AGBL4: variants seen among roughly 807,000 people sequenced by gnomAD.
The protein encoded by AGBL4 is cytosolic carboxypeptidase 6.
In AGBL4, 58 loss-of-function variants were observed where a neutral mutation model predicts 66.4. The ratio of observed to expected loss-of-function variants is 0.87; its 90% CI spans 0.71 to 1.09. AGBL4 has a LOEUF of 1.09. Among genes scored for constraint, AGBL4 ranks in the 50% least tolerant of loss-of-function variants. The pLI is 0.00. For missense variants in AGBL4, 579 were observed against 631.0 expected, an observed-to-expected ratio of 0.92 and a Z score of 0.88; for synonymous variants, 234 against 222.9, an observed-to-expected ratio of 1.05 and a Z score of -0.44.
At chr1:49,647,854 C>CAA (rs773155990) in intron 3 of AGBL4, among the ~76,000 whole-genome samples, 115 of 98,930 alleles carry the variant, frequency 1.2e-3, no homozygotes, top group Non-Finnish European at 1.4e-3. Context: ...TGGACTGACC[C>CAA]AAAAAAAAAA....
At chr1:48,617,069 GA>G (rs947417974) in intron 9 of AGBL4, among the ~76,000 whole-genome samples, 1 of 152,176 alleles carries the variant, frequency 6.6e-6, no homozygotes, top group African/African-American at 2.4e-5. Flanking sequence ...AGGAAGAAAG[GA>G]GGGAGAAAAG....
intron 5 of AGBL4, among the ~76,000 whole-genome samples, chr1:48,992,900 G>T (rs1660719368): frequency 6.6e-6 from 1 of 152,106 alleles, no homozygotes; most frequent in African/African-American, 2.4e-5. Flanking sequence ...TCTGGCCCAG[G>T]GCAGGTCTAG....
Position 49,621,388 on chromosome 1 carries a change from G to C in AGBL4, c.282+75925C>G, listed in dbSNP as rs529575864. Among the ~76,000 whole-genome samples, 6 of 152,264 alleles carry C rather than the reference G, an allele frequency of 3.9e-5. No homozygotes were observed. In the East Asian group the frequency reaches 1.2e-3, roughly 30 times the overall value. On this transcript the variant is annotated intron_variant, in intron 3 of 13. Coordinates refer to ENST00000371839, the MANE Select transcript of AGBL4 (RefSeq NM_032785.4). ...TATCAAACTAGAACTTTTTAAAAGA[G>C]GCAAAGGCAGAGGAGAACAAAGGAA...
At chr1:48,750,684 A>G (rs573765666) in intron 6 of AGBL4, among the ~76,000 whole-genome samples, 107 of 152,362 alleles carry the variant, frequency 7.0e-4, no homozygotes, top group African/African-American at 1.9e-3. Flanking sequence ...TCCCTGCACA[A>G]AAACATTTCC....
intron 5 of AGBL4, among the ~76,000 whole-genome samples, chr1:48,899,705 A>G (rs1651899547): frequency 6.6e-6 from 1 of 152,222 alleles, no homozygotes; most frequent in African/African-American, 2.4e-5. Flanking sequence ...AATGACGAGC[A>G]TTCCAAAAAT....
At chr1:48,900,302 A>T (rs1048758959) in intron 5 of AGBL4, among the ~76,000 whole-genome samples, 1 of 152,242 alleles carries the variant, frequency 6.6e-6, no homozygotes, top group Non-Finnish European at 1.5e-5. Flanking sequence ...CCATTAAAGA[A>T]TTTTTAAAAG....
chr1:49,398,486 T>C (rs1442619130), intron 3 of AGBL4, among the ~76,000 whole-genome samples: 1 of 152,110 alleles, frequency 6.6e-6, no homozygotes, highest in African/African-American at 2.4e-5. Context: ...TGTGGTTCTC[T>C]AGCTTGTAGA....
rs532826203 is a variant in AGBL4 at position 49,150,285 on chromosome 1, G to T, written c.377+95485C>A. ...TACAACTGAAGGGTCACTACAAGTC[G>T]CACCTATGCACCTACAGGTATATCA... On this transcript the variant is annotated intron_variant, in intron 4 of 13. Transcript: ENST00000371839. Among the ~76,000 whole-genome samples, 4 of 152,048 alleles carry T rather than the reference G, an allele frequency of 2.6e-5. No individual in the cohort carries two copies. In the South Asian group the frequency reaches 8.3e-4, roughly 31 times the overall value.
chr1:49,366,230 A>G (rs569721317), intron 3 of AGBL4, among the ~76,000 whole-genome samples: 9 of 152,294 alleles, frequency 5.9e-5, no homozygotes, highest in Non-Finnish European at 1.2e-4. Flanking sequence ...GATCATTGCT[A>G]TATCCTTAGG....
Position 49,068,102 on chromosome 1 carries a change from A to G in AGBL4, c.378-22302T>C, listed in dbSNP as rs566630598. Among the ~76,000 whole-genome samples, 208 of 152,324 alleles carry G rather than the reference A, an allele frequency of 1.4e-3. 1 individual carries two copies. The highest frequency in any genetic ancestry group is 4.8e-3 in the African/African-American group (198 of 41,570). On this transcript the variant is annotated intron_variant, in intron 4 of 13. Coordinates refer to ENST00000371839, the MANE Select transcript of AGBL4 (RefSeq NM_032785.4). ...ATGGTGATTAGAACCTTGCGTTTGTAGGCAGGGCGCTCAGGAAGGCAGTAG... is the reference window on the plus strand; with the variant it reads ...ATGGTGATTAGAACCTTGCGTTTGTGGGCAGGGCGCTCAGGAAGGCAGTAG...
At chr1:48,571,771 C>T (rs1338592575) in intron 11 of AGBL4, among the ~76,000 whole-genome samples, 2 of 152,252 alleles carry the variant, frequency 1.3e-5, no homozygotes, top group Non-Finnish European at 2.9e-5. Context: ...GTCATGTGGG[C>T]CTCGGGAGAT....
intron 8 of AGBL4, among the ~76,000 whole-genome samples, chr1:48,636,279 C>T (rs954332449): frequency 1.3e-5 from 2 of 152,162 alleles, no homozygotes; most frequent in African/African-American, 4.8e-5. Context: ...CTCCTGTTAG[C>T]CTTTGATGTA....
At position 49,489,883 on chromosome 1, in the gene AGBL4, G is replaced by T. The variant is rs1374155209; in HGVS notation, c.282+207430C>A. On this transcript the variant is annotated intron_variant, in intron 3 of 13. Transcript: ENST00000371839. ...TCTATTCTTTTCTATCGGTTTATGT[G>T]TCTATTTTTATGCCAGTAGCATGCT... Among the ~76,000 whole-genome samples the T allele has an allele frequency of 4.0e-5, 6 of 151,588 alleles. No individual in the cohort carries two copies. The East Asian group carries it at 1.2e-3, about 29-fold the overall frequency.
intron 11 of AGBL4, among the ~76,000 whole-genome samples, chr1:48,554,480 T>G (rs1644292998): frequency 6.6e-6 from 1 of 152,202 alleles, no homozygotes. Context: ...CTTGCATTTA[T>G]TCCTCATTTT....
intron 11 of AGBL4, among the ~76,000 whole-genome samples, chr1:48,550,707 C>T (rs914484070): frequency 3.3e-5 from 5 of 152,128 alleles, no homozygotes; most frequent in Non-Finnish European, 5.9e-5. Context: ...TCCTGGCATA[C>T]CCAGGATGAA....
At chr1:49,504,216 A>T (rs1431172141) in intron 3 of AGBL4, among the ~76,000 whole-genome samples, 1 of 152,070 alleles carries the variant, frequency 6.6e-6, no homozygotes, top group Non-Finnish European at 1.5e-5. Flanking sequence ...CCTATGTAGA[A>T]GGAGCCTTCT....
intron 7 of AGBL4, among the ~76,000 whole-genome samples, chr1:48,660,908 G>A (rs1178868324): frequency 6.6e-6 from 1 of 152,172 alleles, no homozygotes; most frequent in Non-Finnish European, 1.5e-5. Flanking sequence ...AAGGGAACAT[G>A]TACAGGCTTG....
chr1:49,272,178 T>G (rs913861631), intron 3 of AGBL4, among the ~76,000 whole-genome samples: 10 of 152,202 alleles, frequency 6.6e-5, no homozygotes, highest in Non-Finnish European at 1.3e-4. Context: ...AACTGTTGTG[T>G]AGCCCAGTCC....
intron 3 of AGBL4, among the ~76,000 whole-genome samples, chr1:49,601,971 T>C (rs1033864995): frequency 1.3e-5 from 2 of 151,864 alleles, no homozygotes; most frequent in African/African-American, 2.4e-5. Flanking sequence ...AGGGCTAATA[T>C]CCAGAATCCA....
Sources: allele counts gnomAD v4.1 joint callset (sites outside exome capture counted in the v4.1 genomes callset), GRCh38; gene constraint gnomAD v4.1.1; transcripts MANE v1.5; gene names NCBI Gene and HGNC (gene_info 2026-07-23, HGNC 2026-07-21).